Variants in ZBTB8A observed in about 807,000 individuals in gnomAD.
The protein encoded by ZBTB8A is zinc finger and BTB domain-containing protein 8A.
ZBTB8A carries 19 observed loss-of-function variants against 37.8 expected under a neutral mutation model. The observed-to-expected ratio is 0.50, with a 90% CI of 0.35 to 0.74. The LOEUF is 0.74. Among genes scored for constraint, ZBTB8A ranks in the 30% least tolerant of loss-of-function variants. The pLI, the probability that ZBTB8A is intolerant of heterozygous loss-of-function variation, is 0.01. For synonymous variants in ZBTB8A, 181 were observed against 185.2 expected (o/e 0.98, Z 0.19); for missense variants, 394 against 537.8 (o/e 0.73, Z 2.65).
chr1:32,598,209 A>G (rs1042026912), intron 4 of ZBTB8A, among the ~76,000 whole-genome samples: 3 of 135,104 alleles, frequency 2.2e-5, no homozygotes, highest in African/African-American at 8.2e-5. Flanking sequence ...ACCAGACTGT[A>G]TTAGCTTTCT....
rs763014158 is a variant in ZBTB8A at position 32,601,837 on chromosome 1, C to G, written c.*1418C>G. The stretch of plus-strand genomic sequence containing the variant: ...TTTCAACAACATACAATATCTTGAT[C>G]TAGAGATTTTCAAATAATGCTAAGT... On this transcript the variant is annotated 3_prime_UTR_variant, in exon 5 of 5. Coordinates refer to ENST00000373510, the MANE Select transcript of ZBTB8A (RefSeq NM_001040441.3). 33 of 396,122 alleles carry G rather than the reference C, an allele frequency of 8.3e-5. No individual in the cohort carries two copies. The highest frequency in any genetic ancestry group is 6.3e-4 in the Middle Eastern group (1 of 1,576). The allele number at this position is 396,122 out of a possible 1,614,324, so 24.5% of individuals were successfully genotyped here. A position where few individuals can be genotyped will look rare whatever the true frequency, so the allele number is the denominator to read the frequency against.
chr1:32,573,312 G>T (rs1380483544), intron 2 of ZBTB8A, among the ~76,000 whole-genome samples: 2 of 149,866 alleles, frequency 1.3e-5, no homozygotes, highest in Admixed American at 1.3e-4. Flanking sequence ...CTGACCTCGT[G>T]ATCTGCCCGC....
At chr1:32,567,025 T>C (rs1644285086) in intron 2 of ZBTB8A, among the ~76,000 whole-genome samples, 1 of 152,202 alleles carries the variant, frequency 6.6e-6, no homozygotes, top group African/African-American at 2.4e-5. Flanking sequence ...TATTAGTCCA[T>C]TCTCGCATTG....
intron 2 of ZBTB8A, among the ~76,000 whole-genome samples, chr1:32,585,619 A>G (rs547316072): frequency 3.9e-5 from 6 of 152,222 alleles, no homozygotes; most frequent in African/African-American, 1.4e-4. Flanking sequence ...TCTCCCCTAA[A>G]TTAATCTATA....
At chr1:32,584,508 C>CTTTTTTTTTT (rs1177778440) in intron 2 of ZBTB8A, among the ~76,000 whole-genome samples, 7 of 117,872 alleles carry the variant, frequency 5.9e-5, no homozygotes, top group Non-Finnish European at 1.1e-4. Context: ...TTCTTTCTTT[C>CTTTTTTTTTT]TTTTTTTTTT....
At position 32,541,310 on chromosome 1, in the gene ZBTB8A, T is replaced by C. The variant is rs180707448; in HGVS notation, c.-84+1738T>C. Among the ~76,000 whole-genome samples the C allele has an allele frequency of 5.1e-3, 783 of 152,262 alleles. 7 individuals carry two copies. Among genetic ancestry groups the C allele is most frequent in the African/African-American group, 0.017 (702 of 41,556 alleles). ...TACTTCTCTCATGATCTGCTTTCCC[T>C]TTCTGACTCCATATCCCATTGCTTC... On this transcript the variant is annotated intron_variant, in intron 1 of 4. Coordinates refer to ENST00000373510, the MANE Select transcript of ZBTB8A (RefSeq NM_001040441.3).
chr1:32,563,551 C>G lies in ZBTB8A; in HGVS notation c.-2+10011C>G, dbSNP rs149879853. On this transcript the variant is annotated intron_variant, in intron 2 of 4. Coordinates refer to ENST00000373510, the MANE Select transcript of ZBTB8A (RefSeq NM_001040441.3). ...GATCTCAGCTCAGTGCAGCCTCCGC[C>G]TCCTGGATTCAAGCAATTCTCTTGC... Among the ~76,000 whole-genome samples, 207 of 152,238 alleles carry G rather than the reference C, an allele frequency of 1.4e-3. 1 individual carries two copies. Among genetic ancestry groups the G allele is most frequent in the Non-Finnish European group, 2.4e-3 (163 of 68,026 alleles).
chr1:32,595,196 A>G lies in ZBTB8A; in HGVS notation c.966A>G (p.Leu322=). The change falls in exon 4 of 5, where the codon CTA becomes CTG. Residue 322 remains leucine, a synonymous_variant. Transcript: ENST00000373510. ...CTTGTGGAAAAAGATTTAGCAGGCT[A>G]GACCATCTAAGTAGCCATTTTCGAA... ...CQACGKRFSR[L]DHLSSHFRTI... 6.2e-7 allele frequency: 1 copy of G among 1,614,138 alleles called. No homozygotes were observed. Among genetic ancestry groups the G allele is most frequent in the Non-Finnish European group, 8.5e-7 (1 of 1,180,014 alleles).
intron 4 of ZBTB8A, among the ~76,000 whole-genome samples, chr1:32,599,239 T>C (rs1051980488): frequency 7.2e-6 from 1 of 139,584 alleles, no homozygotes; most frequent in African/African-American, 2.7e-5. Flanking sequence ...CTGGAAAACA[T>C]AGTGAGACCC....
chr1:32,595,257 T>C, intron 4 of ZBTB8A, 34 bp downstream of exon 4: 2 of 1,600,208 alleles, frequency 1.2e-6, no homozygotes, highest in Non-Finnish European at 1.7e-6. Context: ...TTTTACTAAT[T>C]CTTTTTTGGT....
At chr1:32,575,217 T>C (rs1200904802) in intron 2 of ZBTB8A, among the ~76,000 whole-genome samples, 1 of 150,404 alleles carries the variant, frequency 6.6e-6, no homozygotes, top group South Asian at 2.1e-4. Context: ...TTTTGTTTTC[T>C]TTTCTTTCCT....
At chr1:32,560,326 C>G (rs1280794177) in intron 2 of ZBTB8A, among the ~76,000 whole-genome samples, 1 of 152,158 alleles carries the variant, frequency 6.6e-6, no homozygotes, top group Non-Finnish European at 1.5e-5. Flanking sequence ...TGCACTGTCC[C>G]AGGACTCCAC....
At chr1:32,555,136 T>C (rs986136693) in intron 2 of ZBTB8A, among the ~76,000 whole-genome samples, 2 of 152,078 alleles carry the variant, frequency 1.3e-5, no homozygotes, top group Non-Finnish European at 2.9e-5. Context: ...ACGCCTGTAA[T>C]CCCAGCACTT....
intron 2 of ZBTB8A, among the ~76,000 whole-genome samples, chr1:32,583,316 G>T (rs1644421650): frequency 6.7e-6 from 1 of 149,716 alleles, no homozygotes; most frequent in Non-Finnish European, 1.5e-5. Context: ...GGAAGCAGAG[G>T]TTATAGTGAG....
intron 2 of ZBTB8A, among the ~76,000 whole-genome samples, chr1:32,568,422 T>C (rs1035932342): frequency 6.6e-6 from 1 of 151,920 alleles, no homozygotes; most frequent in African/African-American, 2.4e-5. Context: ...AGTCTCGCTC[T>C]GTCGCCCAGG....
chr1:32,601,479 A>G lies in ZBTB8A; in HGVS notation c.*1060A>G, dbSNP rs570174170. The stretch of plus-strand genomic sequence containing the variant: ...ACAAGAGCGAAACTCCGTCTCAAAA[A>G]AAAAAGGAAAACAAACTAGGAGGTT... On this transcript the variant is annotated 3_prime_UTR_variant, in exon 5 of 5. Transcript: ENST00000373510. 5.1e-6 allele frequency: 2 copies of G among 394,308 alleles called. No individual in the cohort carries two copies. The highest frequency in any genetic ancestry group is 1.4e-4 in the South Asian group (1 of 7,300). 24.4% of individuals were successfully genotyped at this position (394,308 alleles called of 1,614,324 possible). A position where few individuals can be genotyped will look rare whatever the true frequency, so the allele number is the denominator to read the frequency against.
chr1:32,578,235 T>TTTTA (rs1644378026), intron 2 of ZBTB8A, among the ~76,000 whole-genome samples: 14 of 151,452 alleles, frequency 9.2e-5, no homozygotes, highest in Non-Finnish European at 1.9e-4. Flanking sequence ...TGGCTAATTT[T>TTTTA]TTTTTTTTTT....
In ZBTB8A at chr1:32,553,493, A is replaced by C. The variant is rs1376766939; in HGVS notation, c.-49A>C. 6.6e-6 allele frequency: 1 copy of C among 152,148 alleles called. No homozygotes were observed. The highest frequency in any genetic ancestry group is 1.5e-5 in the Non-Finnish European group (1 of 68,034). 9.4% of individuals were successfully genotyped at this position (152,148 alleles called of 1,614,324 possible). On this transcript the variant is annotated 5_prime_UTR_variant, in exon 2 of 5. Coordinates refer to ENST00000373510, the MANE Select transcript of ZBTB8A (RefSeq NM_001040441.3). The stretch of plus-strand genomic sequence containing the variant: ...CCAAACACAGACTGTTTGACTTAGA[A>C]TCTTCCCTTTTTTACTCCATTCAAG...
At chr1:32,584,297 AT>A (rs1292695130) in intron 2 of ZBTB8A, among the ~76,000 whole-genome samples, 2 of 152,226 alleles carry the variant, frequency 1.3e-5, no homozygotes, top group African/African-American at 4.8e-5. Flanking sequence ...ATAAAATTAT[AT>A]TTTTTTAAGT....
Sources: allele counts gnomAD v4.1 joint callset (sites outside exome capture counted in the v4.1 genomes callset), GRCh38; gene constraint gnomAD v4.1.1; transcripts MANE v1.5; gene names NCBI Gene and HGNC (gene_info 2026-07-23, HGNC 2026-07-21).